POU2F1: variants seen among roughly 807,000 people sequenced by gnomAD.
POU2F1 encodes POU domain, class 2, transcription factor 1.
Under a neutral mutation model 84.9 loss-of-function variants are expected in POU2F1, and 16 were observed. The ratio of observed to expected loss-of-function variants is 0.19; its 90% CI spans 0.13 to 0.29. POU2F1 has a LOEUF of 0.29. POU2F1 is among the 10% of genes least tolerant of loss of function. The pLI is 1.00. For missense variants in POU2F1, 738 were observed against 942.6 expected, an observed-to-expected ratio of 0.78 and a Z score of 2.84; for synonymous variants, 368 against 368.3, an observed-to-expected ratio of 1.00 and a Z score of 0.01.
chr1:167,409,894 G>A (rs145346213), intron 13 of POU2F1, among the ~76,000 whole-genome samples: 94 of 152,288 alleles, frequency 6.2e-4, no homozygotes, highest in African/African-American at 2.1e-3. Context: ...AAAAAAGATT[G>A]AAAGTACATT....
At chr1:167,341,315 T>C (rs981122011) in intron 2 of POU2F1, among the ~76,000 whole-genome samples, 1 of 152,316 alleles carries the variant, frequency 6.6e-6, no homozygotes, top group African/African-American at 2.4e-5. Flanking sequence ...TTAATATATT[T>C]AATCAGATTT....
chr1:167,384,994 G>A (rs1245404410), intron 8 of POU2F1, among the ~76,000 whole-genome samples: 1 of 152,114 alleles, frequency 6.6e-6, no homozygotes, highest in Non-Finnish European at 1.5e-5. Context: ...GAATAAGTGA[G>A]CTTAGCAAGT....
At chr1:167,244,103 T>C (rs1233892110) in intron 1 of POU2F1, among the ~76,000 whole-genome samples, 1 of 152,152 alleles carries the variant, frequency 6.6e-6, no homozygotes, top group African/African-American at 2.4e-5. Context: ...AGTAAAAGGC[T>C]TACAGAGTCA....
intron 1 of POU2F1, among the ~76,000 whole-genome samples, chr1:167,257,381 C>A (rs562529745): frequency 6.6e-6 from 1 of 152,210 alleles, no homozygotes; most frequent in African/African-American, 2.4e-5. Context: ...ACACCTATGT[C>A]CAAATGATGA....
intron 8 of POU2F1, chr1:167,387,305 A>T (rs1207647476): frequency 2.2e-6 from 1 of 445,682 alleles, no homozygotes; most frequent in African/African-American, 2.0e-5. Context: ...TCAGGCCCGG[A>T]GATGAAGTAA....
At chr1:167,294,272 C>T (rs1281734052) in intron 1 of POU2F1, among the ~76,000 whole-genome samples, 1 of 151,758 alleles carries the variant, frequency 6.6e-6, no homozygotes, top group African/African-American at 2.4e-5. Context: ...TGATGTGAAC[C>T]CGGGAGGCGG....
intron 1 of POU2F1, among the ~76,000 whole-genome samples, chr1:167,320,752 T>C (rs1032798381): frequency 8.5e-5 from 13 of 152,218 alleles, no homozygotes; most frequent in Admixed American, 7.2e-4. Context: ...ATCTAGAGTC[T>C]TCTCTGGATC....
chr1:167,281,707 T>C (rs1007928564), intron 1 of POU2F1, among the ~76,000 whole-genome samples: 5 of 152,246 alleles, frequency 3.3e-5, no homozygotes, highest in Non-Finnish European at 7.3e-5. Flanking sequence ...CCACTTGTTA[T>C]AGTTCACCAT....
In POU2F1 at chr1:167,374,119, G is replaced by A. The variant is rs758722261; in HGVS notation, c.414G>A (p.Thr138=). 6 of 1,613,942 alleles carry A rather than the reference G, an allele frequency of 3.7e-6. No homozygotes were observed. The South Asian group carries it at 4.4e-5, about 12-fold the overall frequency. Residue 138 remains threonine, a synonymous_variant, in exon 6 of 16, where the codon ACG becomes ACA. Transcript: ENST00000367866. ...CTGGTTTTGTTTAGCTTACTTTGAC[G>A]CCTGCCCAGCAACAGTTACTACTCC... ...AGGQITGLTL[T]PAQQQLLLQQ... is the part of the protein sequence containing the mutation.
chr1:167,247,318 G>T (rs534968776), intron 1 of POU2F1, among the ~76,000 whole-genome samples: 159 of 152,092 alleles, frequency 1.0e-3, no homozygotes, highest in African/African-American at 3.4e-3. Flanking sequence ...CTTCTGCCTC[G>T]ACCTCCCAAA....
At chr1:167,258,943 A>G (rs1651350361) in intron 1 of POU2F1, among the ~76,000 whole-genome samples, 2 of 152,188 alleles carry the variant, frequency 1.3e-5, no homozygotes, top group African/African-American at 2.4e-5. Flanking sequence ...GGACCATATA[A>G]AAAGAGGCAT....
chr1:167,294,153 C>T (rs987284372), intron 1 of POU2F1, among the ~76,000 whole-genome samples: 1 of 143,062 alleles, frequency 7.0e-6, no homozygotes, highest in Non-Finnish European at 1.5e-5. Context: ...CTCAGTGAAA[C>T]CCCGTCTCTA....
intron 1 of POU2F1, among the ~76,000 whole-genome samples, chr1:167,272,755 T>C (rs1230327582): frequency 1.3e-5 from 2 of 152,132 alleles, no homozygotes; most frequent in East Asian, 3.8e-4. Context: ...GATTACAATT[T>C]GACATGAGAT....
At chr1:167,270,046 G>T (rs1306530181) in intron 1 of POU2F1, among the ~76,000 whole-genome samples, 1 of 152,052 alleles carries the variant, frequency 6.6e-6, no homozygotes, top group Non-Finnish European at 1.5e-5. Context: ...CTGAGTTTGT[G>T]GGTCTGCCCT....
chr1:167,237,772 ATTTTTT>A (rs1216931950), intron 1 of POU2F1, among the ~76,000 whole-genome samples: 1 of 29,936 alleles, frequency 3.3e-5, no homozygotes, highest in African/African-American at 1.5e-4. Flanking sequence ...ATATATATAT[ATTTTTT>A]TTTTTTTTTT....
chr1:167,312,910 G>A (rs2146727), intron 1 of POU2F1, among the ~76,000 whole-genome samples: 85,515 of 152,072 alleles, frequency 0.56, 24,343 homozygotes, highest in East Asian at 0.72. Context: ...TTGTGTTACA[G>A]TTGCCTACAG....
intron 1 of POU2F1, among the ~76,000 whole-genome samples, chr1:167,234,090 C>A (rs1649274740): frequency 6.6e-6 from 1 of 152,080 alleles, no homozygotes; most frequent in South Asian, 2.1e-4. Context: ...CAGGCTCTTA[C>A]CCGTTAATTT....
intron 9 of POU2F1, among the ~76,000 whole-genome samples, chr1:167,395,883 G>T (rs1648773935): frequency 6.6e-6 from 1 of 152,150 alleles, no homozygotes. Context: ...TGGGATTAAA[G>T]GTGTGAGCCA....
chr1:167,301,110 C>CCAGGA (rs2102567147), intron 1 of POU2F1, among the ~76,000 whole-genome samples: 1 of 152,254 alleles, frequency 6.6e-6, no homozygotes, highest in South Asian at 2.1e-4. Flanking sequence ...AAGGAACTGT[C>CCAGGA]ATATTAAATT....
Sources: gnomAD v4.1 joint callset for allele counts (sites outside exome capture counted in the v4.1 genomes callset) on GRCh38, gnomAD v4.1.1 for gene constraint, MANE v1.5 for transcripts, NCBI Gene and HGNC (gene_info 2026-07-23, HGNC 2026-07-21) for gene names.